ADCY8: variants seen among roughly 807,000 people sequenced by gnomAD.
The protein encoded by ADCY8 is adenylate cyclase 8, also known as adenylate cyclase type 8.
ADCY8 carries 51 observed loss-of-function variants against 119.7 expected under a neutral mutation model. The observed-to-expected ratio is 0.43, with a 90% CI of 0.34 to 0.54. The LOEUF is 0.54. Ranked by LOEUF, ADCY8 falls within the 20% of genes least tolerant of loss-of-function variation. The pLI is 0.03. For missense variants in ADCY8, 1,383 were observed against 1,598.8 expected (o/e 0.87, Z 2.30); for synonymous variants, 665 against 651.0 (o/e 1.02, Z -0.33).
chr8:130,979,309 A>C (rs982692210), intron 2 of ADCY8, among the ~76,000 whole-genome samples: 17 of 152,112 alleles, frequency 1.1e-4, no homozygotes, highest in African/African-American at 4.1e-4. Context: ...TGTGTGTTGA[A>C]CTATATCTTT....
intron 1 of ADCY8, among the ~76,000 whole-genome samples, chr8:131,001,321 A>G (rs577683730): frequency 6.6e-6 from 1 of 152,166 alleles, no homozygotes; most frequent in South Asian, 2.1e-4. Flanking sequence ...TGGGTGGGGA[A>G]GCTTCCTACT....
intron 5 of ADCY8, among the ~76,000 whole-genome samples, chr8:130,929,477 T>TA (rs202195902): frequency 0.021 from 3,275 of 152,340 alleles, 73 homozygotes; most frequent in South Asian, 0.08. Flanking sequence ...TCTAGTGTTA[T>TA]ACCCTTGTGG....
At chr8:130,947,528 C>T (rs953619606) in intron 3 of ADCY8, among the ~76,000 whole-genome samples, 1 of 152,216 alleles carries the variant, frequency 6.6e-6, no homozygotes, top group African/African-American at 2.4e-5. Context: ...AGTTCTCTAG[C>T]TCCATTCAAT....
In ADCY8 at chr8:131,039,808, C is replaced by A. The variant is rs144119269; in HGVS notation, c.526G>T (p.Gly176Cys). 1 of 1,614,036 alleles carries A rather than the reference C, an allele frequency of 6.2e-7. No individual in the cohort carries two copies. The highest frequency in any genetic ancestry group is 1.3e-5 in the African/African-American group (1 of 74,900). ...ACCACTTCCGATTTGCGCCTTTGGC[C>A]CAAGAAATAGCGCTGGTAGAGGCGT... ...LERLYQRYFL[G>C]QRRKSEVVMN... The change falls in exon 1 of 18, where the codon GGC becomes TGC. Residue 176 changes from glycine (G) to cysteine (C), a missense_variant. Physicochemically the swap from Gly to Cys is radical, Grantham distance 159 (BLOSUM62 -3). Transcript: ENST00000286355.
intron 7 of ADCY8, 66 bp from the exon 8 acceptor site, chr8:130,884,827 A>G: frequency 6.8e-7 from 1 of 1,463,726 alleles, no homozygotes. Flanking sequence ...CAGAAATGCA[A>G]TGTTTTTAAA....
chr8:130,993,998 C>A lies in ADCY8; in HGVS notation c.961-3456G>T, dbSNP rs1822685729. ...CAAAGAAATGCTTCAGGATCTTGAT[C>A]CTACTTGTTTAAAATGTCCACTGAA... On this transcript the variant is annotated intron_variant, in intron 1 of 17. Coordinates refer to ENST00000286355, the MANE Select transcript of ADCY8 (RefSeq NM_001115.3). Among the ~76,000 whole-genome samples the A allele has an allele frequency of 2.0e-5, 3 of 152,308 alleles. No homozygotes were observed. The South Asian group carries it at 6.2e-4, about 32-fold the overall frequency.
At position 131,040,142 on chromosome 8, in the gene ADCY8, G is replaced by A; in HGVS notation, c.192C>T (p.Gly64=). 1 of 1,532,364 alleles carries A rather than the reference G, an allele frequency of 6.5e-7. No individual in the cohort carries two copies. Among genetic ancestry groups the A allele is most frequent in the South Asian group, 1.2e-5 (1 of 83,800 alleles). 94.9% of individuals were successfully genotyped at this position (1,532,364 alleles called of 1,614,324 possible). Residue 64 remains glycine, a synonymous_variant, in exon 1 of 18, where the codon GGC becomes GGT. Coordinates refer to ENST00000286355, the MANE Select transcript of ADCY8 (RefSeq NM_001115.3). ...CCGCAGGGTCCGAGGCTTTGCCCGA[G>A]CCTCCACTCCCGCTGCCGCTGCCTC... is the stretch of plus-strand genomic sequence containing the variant. ...HRGGSGSGSG[G]SGKASDPAGG... is the part of the protein sequence containing the mutation.
At chr8:130,979,352 C>T (rs909382939) in intron 2 of ADCY8, among the ~76,000 whole-genome samples, 1 of 152,166 alleles carries the variant, frequency 6.6e-6, no homozygotes, top group African/African-American at 2.4e-5. Flanking sequence ...CTGATTTCCC[C>T]ACATCACTAT....
chr8:130,795,026 C>G (rs923829708), intron 15 of ADCY8, among the ~76,000 whole-genome samples: 4 of 152,154 alleles, frequency 2.6e-5, no homozygotes, highest in Non-Finnish European at 4.4e-5. Flanking sequence ...GAGTTCGAGA[C>G]CAGCCTGGCC....
intron 1 of ADCY8, among the ~76,000 whole-genome samples, chr8:131,023,245 A>T (rs1447906827): frequency 6.6e-6 from 1 of 152,218 alleles, no homozygotes; most frequent in East Asian, 1.9e-4. Flanking sequence ...ACTCTGAAAC[A>T]AAAGAGACCC....
At chr8:130,796,804 C>A (rs1304730203) in intron 15 of ADCY8, among the ~76,000 whole-genome samples, 3 of 148,796 alleles carry the variant, frequency 2.0e-5, no homozygotes, top group Non-Finnish European at 4.5e-5. Context: ...TTCTCTTCAT[C>A]GCTGCCTCTC....
intron 15 of ADCY8, among the ~76,000 whole-genome samples, chr8:130,795,775 G>A (rs1242372400): frequency 1.3e-5 from 2 of 151,624 alleles, no homozygotes; most frequent in African/African-American, 2.4e-5. Flanking sequence ...TAGGTGCTTG[G>A]CTTTGGTGTG....
chr8:130,880,044 G>A (rs1818711517), intron 8 of ADCY8, among the ~76,000 whole-genome samples: 1 of 152,100 alleles, frequency 6.6e-6, no homozygotes, highest in East Asian at 1.9e-4. Flanking sequence ...CCCTGCACAA[G>A]CTCTCTCTTT....
At chr8:130,930,769 C>A (rs1407020733) in intron 5 of ADCY8, among the ~76,000 whole-genome samples, 2 of 152,212 alleles carry the variant, frequency 1.3e-5, no homozygotes, top group Non-Finnish European at 2.9e-5. Flanking sequence ...TATTTCTTAA[C>A]AAATTAATGT....
At chr8:130,841,300 G>C (rs1273819920) in intron 11 of ADCY8, among the ~76,000 whole-genome samples, 1 of 152,166 alleles carries the variant, frequency 6.6e-6, no homozygotes, top group African/African-American at 2.4e-5. Flanking sequence ...TTAAAGAAGA[G>C]AGGAAGTATA....
intron 7 of ADCY8, among the ~76,000 whole-genome samples, chr8:130,900,666 T>C (rs2130517210): frequency 6.6e-6 from 1 of 152,346 alleles, no homozygotes; most frequent in South Asian, 2.1e-4. Flanking sequence ...CTGTTTCTTC[T>C]CTGTCTCTGC....
chr8:130,870,016 TTC>T (rs1818291881), intron 8 of ADCY8, among the ~76,000 whole-genome samples: 2 of 85,292 alleles, frequency 2.3e-5, no homozygotes, highest in South Asian at 1.3e-3. Flanking sequence ...TTCTTTCTTC[TTC>T]TTTTTTTTTT....
chr8:131,005,674 G>C (rs1823093906), intron 1 of ADCY8, among the ~76,000 whole-genome samples: 1 of 152,222 alleles, frequency 6.6e-6, no homozygotes, highest in African/African-American at 2.4e-5. Flanking sequence ...AGGAACGAGA[G>C]AGAGCAAGAT....
chr8:130,893,879 TG>T (rs1401077625), intron 7 of ADCY8, among the ~76,000 whole-genome samples: 1 of 147,906 alleles, frequency 6.8e-6, no homozygotes, highest in Non-Finnish European at 1.5e-5. Context: ...TGTGTGTGTT[TG>T]CGGGTGTGCA....
Sources: gnomAD v4.1 joint callset for allele counts (sites outside exome capture counted in the v4.1 genomes callset) on GRCh38, gnomAD v4.1.1 for gene constraint, MANE v1.5 for transcripts, NCBI Gene and HGNC (gene_info 2026-07-23, HGNC 2026-07-21) for gene names.